Variants in GAS7 observed in about 807,000 individuals in gnomAD.
GAS7 encodes growth arrest-specific protein 7.
A neutral mutation model predicts 71.1 loss-of-function variants in GAS7; 28 were observed. The observed-to-expected ratio is 0.39, with a 90% confidence interval of 0.29 to 0.54. The LOEUF is 0.54. Ranked by LOEUF, GAS7 falls within the 20% of genes least tolerant of loss-of-function variation. The probability of loss-of-function intolerance (pLI) is 0.62; values close to 1 mark genes in which losing one functional copy is unlikely to be tolerated. For synonymous variants in GAS7, 258 were observed against 245.8 expected (o/e 1.05, Z -0.46); for missense variants, 436 against 627.8 (o/e 0.69, Z 3.27).
At chr17:10,009,615 G>A (rs1018666553) in intron 2 of GAS7, among the ~76,000 whole-genome samples, 1 of 145,766 alleles carries the variant, frequency 6.9e-6, no homozygotes, top group Non-Finnish European at 1.5e-5. Flanking sequence ...AAGATAGGAG[G>A]ATTGCTTGAG....
intron 8 of GAS7, among the ~76,000 whole-genome samples, chr17:9,934,487 C>G (rs988890275): frequency 6.6e-6 from 1 of 151,764 alleles, no homozygotes; most frequent in African/African-American, 2.4e-5. Context: ...CTGTGGCGCA[C>G]AGCCAAGAGG....
chr17:10,139,105 T>C (rs982617202), intron 1 of GAS7, among the ~76,000 whole-genome samples: 9 of 152,204 alleles, frequency 5.9e-5, no homozygotes, highest in East Asian at 5.8e-4. Flanking sequence ...AAATGCTAAA[T>C]AGAAAATATA....
At chr17:10,006,625 G>A (rs374237079) in intron 2 of GAS7, among the ~76,000 whole-genome samples, 9 of 152,060 alleles carry the variant, frequency 5.9e-5, no homozygotes, top group South Asian at 2.1e-4. Context: ...CACCGTGCCC[G>A]GCCGCCCCAA....
chr17:10,165,270 C>T (rs1231405881), intron 1 of GAS7, among the ~76,000 whole-genome samples: 3 of 133,640 alleles, frequency 2.2e-5, no homozygotes, highest in Non-Finnish European at 4.6e-5. Context: ...CCAGCCTGTG[C>T]GACAGAGCGA....
rs560395671 is a variant in GAS7, at chr17:10,096,234, T to C, written c.184-76337A>G. ...CTGCCACATATATATATATTTTCTA[T>C]GTTATAGTCCCTAGAAGCCAAACCA... On this transcript the variant is annotated intron_variant, in intron 1 of 13. Transcript: ENST00000432992. 8.5e-5 allele frequency among the ~76,000 whole-genome samples: 13 copies of C among 152,354 alleles called. 1 individual carries two copies. Among genetic ancestry groups the C allele is most frequent in the Middle Eastern group, 3.4e-3 (1 of 294 alleles).
chr17:9,975,936 C>T (rs551857172), intron 3 of GAS7, among the ~76,000 whole-genome samples: 1 of 152,144 alleles, frequency 6.6e-6, no homozygotes, highest in African/African-American at 2.4e-5. Context: ...CGTGCTCATC[C>T]GGTCTGATGA....
intron 7 of GAS7, among the ~76,000 whole-genome samples, chr17:9,941,100 C>T (rs960648809): frequency 6.6e-6 from 1 of 152,186 alleles, no homozygotes; most frequent in Non-Finnish European, 1.5e-5. Flanking sequence ...GGAGAGAGGG[C>T]GGCTGACAAA....
intron 1 of GAS7, among the ~76,000 whole-genome samples, chr17:10,052,140 G>T (rs1229396023): frequency 6.6e-6 from 1 of 152,004 alleles, no homozygotes; most frequent in Non-Finnish European, 1.5e-5. Context: ...ATAGAAAGCT[G>T]ATGGGCTGAA....
intron 1 of GAS7, among the ~76,000 whole-genome samples, chr17:10,156,483 G>GTT (rs1198038970): frequency 6.6e-6 from 1 of 152,192 alleles, no homozygotes; most frequent in Non-Finnish European, 1.5e-5. Flanking sequence ...TTTTAACATG[G>GTT]GACAAAGCTC....
Position 10,160,272 on chromosome 17 carries a change from TA to T in GAS7, c.183+37935del, listed in dbSNP as rs544896578. Among the ~76,000 whole-genome samples, 1,357 of 151,200 alleles carry T rather than the reference TA, an allele frequency of 9.0e-3. 13 individuals carry two copies. Among genetic ancestry groups the T allele is most frequent in the African/African-American group, 0.018 (728 of 41,268 alleles). Reference sequence around the variant, plus strand: ...AAAAAATTTACACTAAAAATTGTATTAAAAAAAAAGGTGGATCTTCAAGCAA... The same window carrying T: ...AAAAAATTTACACTAAAAATTGTATTAAAAAAAAGGTGGATCTTCAAGCAA... On this transcript the variant is annotated intron_variant, in intron 1 of 13. Coordinates refer to ENST00000432992, the MANE Select transcript of GAS7 (RefSeq NM_201433.2).
At chr17:10,006,385 A>G (rs2071532883) in intron 2 of GAS7, among the ~76,000 whole-genome samples, 1 of 122,744 alleles carries the variant, frequency 8.1e-6, no homozygotes, top group Non-Finnish European at 1.6e-5. Context: ...GCTGGAGTGC[A>G]GTGGCGCGAT....
chr17:10,049,358 T>C (rs902717404), intron 1 of GAS7, among the ~76,000 whole-genome samples: 2 of 152,102 alleles, frequency 1.3e-5, no homozygotes, highest in African/African-American at 2.4e-5. Context: ...CTTTATATCA[T>C]CCTCCCTCTA....
At chr17:10,108,386 C>A (rs2073779716) in intron 1 of GAS7, among the ~76,000 whole-genome samples, 1 of 152,214 alleles carries the variant, frequency 6.6e-6, no homozygotes, top group Non-Finnish European at 1.5e-5. Flanking sequence ...TGGAAATCCA[C>A]ACACACATTC....
intron 1 of GAS7, among the ~76,000 whole-genome samples, chr17:10,164,292 A>G (rs1348271526): frequency 6.6e-6 from 1 of 151,896 alleles, no homozygotes; most frequent in Non-Finnish European, 1.5e-5. Flanking sequence ...AAATACAAAA[A>G]TTAGCGGGGC....
At chr17:10,107,713 G>A (rs2073772115) in intron 1 of GAS7, among the ~76,000 whole-genome samples, 1 of 151,860 alleles carries the variant, frequency 6.6e-6, no homozygotes, top group Non-Finnish European at 1.5e-5. Context: ...GTGGTGGCAG[G>A]CTGAGCAGGG....
intron 1 of GAS7, among the ~76,000 whole-genome samples, chr17:10,187,258 G>A (rs2074462412): frequency 6.6e-6 from 1 of 152,128 alleles, no homozygotes; most frequent in Non-Finnish European, 1.5e-5. Flanking sequence ...GGGTCCTGGA[G>A]GTCTTGCGGC....
intron 1 of GAS7, among the ~76,000 whole-genome samples, chr17:10,168,933 G>A (rs2074314776): frequency 6.8e-6 from 1 of 146,944 alleles, no homozygotes; most frequent in African/African-American, 2.6e-5. Context: ...TCACGCCACT[G>A]CACTCCAGCG....
chr17:10,182,546 GC>G (rs1275191679), intron 1 of GAS7, among the ~76,000 whole-genome samples: 4 of 152,134 alleles, frequency 2.6e-5, no homozygotes, highest in Admixed American at 6.5e-5. Context: ...AACCCATGTG[GC>G]CTCCCAGGCT....
chr17:10,124,063 T>A (rs967127182), intron 1 of GAS7, among the ~76,000 whole-genome samples: 2 of 152,186 alleles, frequency 1.3e-5, no homozygotes, highest in Non-Finnish European at 2.9e-5. Context: ...TCTATTCTTA[T>A]CTCAAGGGGG....
Sources: allele counts gnomAD v4.1 joint callset (sites outside exome capture counted in the v4.1 genomes callset), GRCh38; gene constraint gnomAD v4.1.1; transcripts MANE v1.5; gene names NCBI Gene and HGNC (gene_info 2026-07-23, HGNC 2026-07-21).